The following YWHAE variants were observed in gnomAD, a reference collection of about 807,000 sequenced individuals.
The protein encoded by YWHAE is 14-3-3 protein epsilon.
In YWHAE, 4 loss-of-function variants were observed where a neutral mutation model predicts 30.1. That is an observed-to-expected ratio of 0.13 (90% CI 0.07 to 0.30). The LOEUF is 0.30. Among genes scored for constraint, YWHAE ranks in the 10% least tolerant of loss-of-function variants. The pLI is 1.00. For synonymous variants in YWHAE, 118 were observed against 111.8 expected (o/e 1.06, Z -0.35); for missense variants, 121 against 315.9 (o/e 0.38, Z 4.68).
chr17:1,361,235 C>T lies in YWHAE; in HGVS notation c.435G>A (p.Ala145=), dbSNP rs770083903. ...FATGNDRKEA[A]ENSLVAYKAA... ...CTTTATAAGCCACTAGGCTGTTCTCCGCAGCCTCCTTCCTGTCGTTTCCTG... is the reference window on the plus strand; with the variant it reads ...CTTTATAAGCCACTAGGCTGTTCTCTGCAGCCTCCTTCCTGTCGTTTCCTG... Residue 145 remains alanine, a synonymous_variant, in exon 4 of 6, where the codon GCG becomes GCA. Transcript: ENST00000264335. The T allele has an allele frequency of 1.7e-5, 27 of 1,613,430 alleles. No homozygotes were observed. The highest frequency in any genetic ancestry group is 1.6e-4 in the Middle Eastern group (1 of 6,078).
At chr17:1,367,769 A>G (rs2072967166) in intron 1 of YWHAE, among the ~76,000 whole-genome samples, 1 of 152,238 alleles carries the variant, frequency 6.6e-6, no homozygotes, top group Non-Finnish European at 1.5e-5. Context: ...AAAGGATTTT[A>G]TCATTCCATT....
intron 1 of YWHAE, among the ~76,000 whole-genome samples, chr17:1,378,883 G>A (rs1259290676): frequency 6.6e-6 from 1 of 151,310 alleles, no homozygotes; most frequent in Non-Finnish European, 1.5e-5. Context: ...GGAGGCGAAG[G>A]AAGTTGCAAT....
intron 1 of YWHAE, chr17:1,399,795 A>C: frequency 1.6e-5 from 2 of 124,838 alleles, no homozygotes; most frequent in Non-Finnish European, 3.0e-5. Flanking sequence ...TTTTACAACC[A>C]ACTCCTCCAC....
In YWHAE at chr17:1,350,860, C is replaced by T. The variant is rs188753667; in HGVS notation, c.715+3351G>A. Among the ~76,000 whole-genome samples, 1,473 of 151,028 alleles carry T rather than the reference C, an allele frequency of 9.8e-3. 16 individuals carry two copies. The highest frequency in any genetic ancestry group is 0.034 in the Middle Eastern group (10 of 294). ...GGACCACGAGGTCAGGAGTTAGAGA[C>T]CAGCCTGGCCAACATGGTGAAACCC... On this transcript the variant is annotated intron_variant, in intron 5 of 5. Transcript: ENST00000264335.
chr17:1,373,772 C>T (rs2150862165), intron 1 of YWHAE, among the ~76,000 whole-genome samples: 1 of 152,192 alleles, frequency 6.6e-6, no homozygotes, highest in South Asian at 2.1e-4. Flanking sequence ...CAGACTTGCT[C>T]AAAGCGGGTT....
chr17:1,390,760 C>CT (rs1298777954), intron 1 of YWHAE, among the ~76,000 whole-genome samples: 1 of 152,172 alleles, frequency 6.6e-6, no homozygotes, highest in Non-Finnish European at 1.5e-5. Context: ...TTTCATATTG[C>CT]TTTAGCTCGA....
chr17:1,390,734 T>G (rs1014193745), intron 1 of YWHAE, among the ~76,000 whole-genome samples: 1 of 152,220 alleles, frequency 6.6e-6, no homozygotes, highest in Admixed American at 6.6e-5. Context: ...TAGATATGAA[T>G]GAAGAGTTAA....
intron 5 of YWHAE, among the ~76,000 whole-genome samples, chr17:1,353,451 G>GA (rs201799042): frequency 1.8e-5 from 2 of 113,422 alleles, no homozygotes; most frequent in Admixed American, 1.0e-4. Context: ...AAAAAAAAAA[G>GA]AAAAGAAAAG....
In YWHAE at chr17:1,350,140, T is replaced by C. The variant is rs1207835810; in HGVS notation, c.715+4071A>G. Among the ~76,000 whole-genome samples the C allele has an allele frequency of 2.2e-4, 33 of 151,664 alleles. No individual in the cohort carries two copies. The East Asian group carries it at 6.3e-3, about 29-fold the overall frequency. ...GCTAATTTTGTATTTTTAGTAGAGA[T>C]GGGGTTTCTCCATGTTGGTCAGGCT... On this transcript the variant is annotated intron_variant, in intron 5 of 5. Transcript: ENST00000264335.
chr17:1,388,740 T>G (rs2073345260), intron 1 of YWHAE, among the ~76,000 whole-genome samples: 1 of 151,994 alleles, frequency 6.6e-6, no homozygotes, highest in Non-Finnish European at 1.5e-5. Context: ...TTTCAACACT[T>G]TAATATTTTA....
intron 1 of YWHAE, among the ~76,000 whole-genome samples, chr17:1,366,871 G>A (rs2072953159): frequency 6.6e-6 from 1 of 152,120 alleles, no homozygotes; most frequent in Non-Finnish European, 1.5e-5. Context: ...GAACCTGGGA[G>A]GCAGAGGTTG....
At chr17:1,382,447 C>T (rs1406323472) in intron 1 of YWHAE, among the ~76,000 whole-genome samples, 1 of 151,012 alleles carries the variant, frequency 6.6e-6, no homozygotes, top group African/African-American at 2.4e-5. Context: ...AGCTCCGCCT[C>T]CCGGGTTCTG....
Position 1,400,158 on chromosome 17 carries a change from G to A in YWHAE, c.-48C>T. 6.2e-7 allele frequency: 1 copy of A among 1,608,462 alleles called. No homozygotes were observed. Among genetic ancestry groups the A allele is most frequent in the African/African-American group, 1.3e-5 (1 of 74,954 alleles). ...TCTGCGCGACGGATGGAAGCGGATA[G>A]TGTCTCCGACTCTCTCAGCCTCTCG... On this transcript the variant is annotated 5_prime_UTR_variant, in exon 1 of 6. Transcript: ENST00000264335.
At chr17:1,357,402 C>CA (rs1195729330) in intron 4 of YWHAE, among the ~76,000 whole-genome samples, 29,570 of 80,074 alleles carry the variant, frequency 0.37, 4,630 homozygotes, top group South Asian at 0.43. Context: ...GACTCCGTCT[C>CA]AAAAAAAAAA....
At chr17:1,392,157 C>A (rs1376511853) in intron 1 of YWHAE, among the ~76,000 whole-genome samples, 1 of 151,748 alleles carries the variant, frequency 6.6e-6, no homozygotes, top group African/African-American at 2.4e-5. Flanking sequence ...TGCATCCCAG[C>A]CTGAGTAATA....
At chr17:1,382,408 A>G (rs1358590394) in intron 1 of YWHAE, among the ~76,000 whole-genome samples, 2 of 136,006 alleles carry the variant, frequency 1.5e-5, no homozygotes, top group Non-Finnish European at 3.1e-5. Context: ...CAGCAGCGCA[A>G]TCTCAGCTCA....
intron 1 of YWHAE, among the ~76,000 whole-genome samples, chr17:1,372,912 G>C (rs2073062897): frequency 1.3e-5 from 2 of 151,904 alleles, no homozygotes; most frequent in Non-Finnish European, 2.9e-5. Context: ...TTCCTGCCTG[G>C]GTGACAGAGT....
intron 4 of YWHAE, among the ~76,000 whole-genome samples, chr17:1,356,226 G>A (rs1180724341): frequency 3.0e-5 from 4 of 135,574 alleles, no homozygotes; most frequent in South Asian, 2.4e-4. Flanking sequence ...AAAATTAGCC[G>A]GGCATGGTGG....
At chr17:1,368,176 C>T (rs1041128505) in intron 1 of YWHAE, among the ~76,000 whole-genome samples, 8 of 151,968 alleles carry the variant, frequency 5.3e-5, no homozygotes, top group Admixed American at 3.3e-4. Flanking sequence ...CACCTGAGGT[C>T]GGGAGATCGA....
Sources: allele counts gnomAD v4.1 joint callset (sites outside exome capture counted in the v4.1 genomes callset), GRCh38; gene constraint gnomAD v4.1.1; transcripts MANE v1.5; gene names NCBI Gene and HGNC (gene_info 2026-07-23, HGNC 2026-07-21).